The following RUVBL1 variants were observed in gnomAD, a reference collection of about 807,000 sequenced individuals.
RUVBL1 encodes ruvB-like 1.
RUVBL1 carries 4 observed loss-of-function variants against 52.4 expected under a neutral mutation model. The ratio of observed to expected loss-of-function variants is 0.08; its 90% CI spans 0.04 to 0.17. RUVBL1 has a LOEUF of 0.17. Ranked by LOEUF, RUVBL1 falls within the 10% of genes least tolerant of loss-of-function variation. RUVBL1 has a pLI of 1.00. For missense variants in RUVBL1, 298 were observed against 572.8 expected (o/e 0.52, Z 4.90); for synonymous variants, 217 against 214.4 (o/e 1.01, Z -0.10).
chr3:128,067,094 A>G lies in RUVBL1; in HGVS notation c.940-1874T>C, dbSNP rs750146576. The stretch of plus-strand genomic sequence containing the variant: ...TGTCCAACCTTTATGTCATCTCCCA[A>G]ATGCTCTCAGCTCGCTTCAGTGGCA... On this transcript the variant is annotated intron_variant, in intron 9 of 9. Transcript: ENST00000464873. The surrounding 1 kb of genome is among the most constrained non-coding windows in gnomAD (Gnocchi z 4.1). 11 of 1,614,002 alleles carry G rather than the reference A, an allele frequency of 6.8e-6. No homozygotes were observed. The highest frequency in any genetic ancestry group is 8.5e-6 in the Non-Finnish European group (10 of 1,180,004).
rs1365194462 is a variant in RUVBL1, at chr3:128,081,653, T to C, written c.1212-244A>G. On this transcript the variant is annotated intron_variant, in intron 10 of 10. Coordinates refer to ENST00000322623, the MANE Select transcript of RUVBL1 (RefSeq NM_003707.3). The surrounding 1 kb of genome is among the most constrained non-coding windows in gnomAD (Gnocchi z 4.8). Reference sequence around the variant, plus strand: ...TAAGTGCTATTCCCCAAATCTTTAGTACAGTCTACAAATCCTCCAGTAGGA... The same window carrying C: ...TAAGTGCTATTCCCCAAATCTTTAGCACAGTCTACAAATCCTCCAGTAGGA... 9 of 486,560 alleles carry C rather than the reference T, an allele frequency of 1.8e-5. No homozygotes were observed. The highest frequency in any genetic ancestry group is 3.3e-5 in the Non-Finnish European group (9 of 273,138). The allele number at this position is 486,560 out of a possible 1,614,324, so 30.1% of individuals were successfully genotyped here. A position where few individuals can be genotyped will look rare whatever the true frequency, so the allele number is the denominator to read the frequency against.
chr3:128,107,939 T>C (rs1270156943), intron 3 of RUVBL1, among the ~76,000 whole-genome samples: 1 of 152,198 alleles, frequency 6.6e-6, no homozygotes, highest in African/African-American at 2.4e-5. Flanking sequence ...AAGAAAGACA[T>C]TCCCGTCTCT....
At chr3:128,073,025 G>A (rs928340679) in intron 9 of RUVBL1, among the ~76,000 whole-genome samples, 32 of 152,142 alleles carry the variant, frequency 2.1e-4, no homozygotes, top group South Asian at 1.0e-3. Flanking sequence ...AAACAAGTCC[G>A]TCCATTTTAC....
At chr3:128,072,468 G>A (rs1416540900) in intron 9 of RUVBL1, among the ~76,000 whole-genome samples, 1 of 152,248 alleles carries the variant, frequency 6.6e-6, no homozygotes, top group African/African-American at 2.4e-5. Flanking sequence ...GGTCAGAGCA[G>A]GATGGTTCCT....
exon 1 of RUVBL1, chr3:128,153,555 C>A: frequency 1.3e-6 from 2 of 1,531,832 alleles, no homozygotes; most frequent in Non-Finnish European, 1.7e-6. Context: ...TGGGCCACAT[C>A]GACAGCGGCA....
In RUVBL1 at chr3:128,081,174, A is replaced by C; in HGVS notation, c.*76T>G. ...GAGTGGGGACGGCAGCCCCAAGCCC[A>C]GGGGCAAGCGCCCACAGGCTGGACC... On this transcript the variant is annotated 3_prime_UTR_variant, in exon 11 of 11. Transcript: ENST00000322623. The surrounding 1 kb of genome is among the most constrained non-coding windows in gnomAD (Gnocchi z 4.8). 6.7e-7 allele frequency: 1 copy of C among 1,502,944 alleles called. No individual in the cohort carries two copies. The highest frequency in any genetic ancestry group is 9.1e-7 in the Non-Finnish European group (1 of 1,099,314). 93.1% of individuals were successfully genotyped at this position (1,502,944 alleles called of 1,614,324 possible).
intron 1 of RUVBL1, among the ~76,000 whole-genome samples, chr3:128,135,079 T>C (rs897767963): frequency 6.6e-6 from 1 of 152,126 alleles, no homozygotes; most frequent in Non-Finnish European, 1.5e-5. Context: ...TATCTAGACA[T>C]TTAATAATCA....
chr3:128,088,357 C>A (rs2107676759), intron 8 of RUVBL1, among the ~76,000 whole-genome samples: 1 of 149,078 alleles, frequency 6.7e-6, no homozygotes, highest in East Asian at 2.0e-4. Context: ...TAAAATCATA[C>A]TCAAAAATAA....
At chr3:128,138,690 G>GA (rs995837935) in intron 1 of RUVBL1, among the ~76,000 whole-genome samples, 20 of 150,896 alleles carry the variant, frequency 1.3e-4, no homozygotes, top group East Asian at 5.8e-4. Context: ...CACAGAAATA[G>GA]AAAAAAAAAT....
chr3:128,143,560 G>A (rs890190917), intron 1 of RUVBL1, among the ~76,000 whole-genome samples: 4 of 152,168 alleles, frequency 2.6e-5, no homozygotes, highest in Non-Finnish European at 5.9e-5. Context: ...ATCTTTGTGG[G>A]GGCCACTATT....
At chr3:128,137,993 C>G (rs1470360344) in intron 1 of RUVBL1, among the ~76,000 whole-genome samples, 3 of 152,084 alleles carry the variant, frequency 2.0e-5, no homozygotes, top group African/African-American at 4.8e-5. Context: ...AATTCAATAT[C>G]CTACTATAGT....
chr3:128,153,634 C>G, exon 1 of RUVBL1: 1 of 1,598,102 alleles, frequency 6.3e-7, no homozygotes, highest in Non-Finnish European at 8.5e-7. Flanking sequence ...GCCGCAGAGC[C>G]GCGAGCGCGG....
chr3:128,106,657 T>G (rs527970912), intron 3 of RUVBL1, among the ~76,000 whole-genome samples: 1 of 152,162 alleles, frequency 6.6e-6, no homozygotes, highest in Non-Finnish European at 1.5e-5. Flanking sequence ...ATGAAGTCAC[T>G]AAGAGTGAAG....
At chr3:128,152,517 C>G (rs868506815) in intron 1 of RUVBL1, among the ~76,000 whole-genome samples, 1 of 152,292 alleles carries the variant, frequency 6.6e-6, no homozygotes, top group South Asian at 2.1e-4. Context: ...AGACTTCTCG[C>G]TCTCTGAAAT....
intron 3 of RUVBL1, among the ~76,000 whole-genome samples, chr3:128,106,206 C>G (rs1186779816): frequency 6.6e-6 from 1 of 152,124 alleles, no homozygotes; most frequent in African/African-American, 2.4e-5. Flanking sequence ...AAGGCCATAA[C>G]AACAAAACCA....
chr3:128,097,279 G>T, intron 8 of RUVBL1, 21 bp downstream of exon 8: 6 of 1,608,726 alleles, frequency 3.7e-6, no homozygotes, highest in Non-Finnish European at 5.1e-6. Context: ...AAGCCTTGTG[G>T]CTGGCAGGCA....
intron 4 of RUVBL1, among the ~76,000 whole-genome samples, chr3:128,103,998 C>A (rs1408147687): frequency 6.6e-6 from 1 of 152,174 alleles, no homozygotes; most frequent in African/African-American, 2.4e-5. Flanking sequence ...TAACTAGGTG[C>A]CACACCCAAA....
intron 1 of RUVBL1, among the ~76,000 whole-genome samples, chr3:128,141,544 G>A (rs1293398892): frequency 6.6e-6 from 1 of 151,964 alleles, no homozygotes; most frequent in African/African-American, 2.4e-5. Flanking sequence ...CACCCAGGCC[G>A]GAGTGTAAGT....
chr3:128,129,107 A>G (rs1482576380), intron 1 of RUVBL1, among the ~76,000 whole-genome samples: 3 of 152,144 alleles, frequency 2.0e-5, no homozygotes, highest in African/African-American at 7.2e-5. Flanking sequence ...GCTTCAGCCC[A>G]GTGCAATGTA....
Sources: gnomAD v4.1 joint callset for allele counts (sites outside exome capture counted in the v4.1 genomes callset) on GRCh38, gnomAD v4.1.1 for gene constraint, Gnocchi (gnomAD v3.1) non-coding constraint, MANE v1.5 for transcripts, NCBI Gene and HGNC (gene_info 2026-07-23, HGNC 2026-07-21) for gene names.